Variants in ENOX1 observed in about 807,000 individuals in gnomAD.
ENOX1 encodes candidate growth-related and time keeping constitutive hydroquinone (NADH) oxidase.
ENOX1 carries 42 observed loss-of-function variants against 82.5 expected under a neutral mutation model. The observed-to-expected ratio is 0.51, with a 90% CI of 0.40 to 0.66. The LOEUF is 0.66. Ranked by LOEUF, ENOX1 falls within the 30% of genes least tolerant of loss-of-function variation. ENOX1 has a pLI of 0.00. For missense variants in ENOX1, 608 were observed against 811.6 expected (o/e 0.75, Z 3.05); for synonymous variants, 271 against 282.2 (o/e 0.96, Z 0.40).
chr13:43,478,323 A>AT (rs2058374542), intron 3 of ENOX1, among the ~76,000 whole-genome samples: 1 of 151,980 alleles, frequency 6.6e-6, no homozygotes, highest in South Asian at 2.1e-4. Context: ...ATTATATGCT[A>AT]TTTTTCAACT....
intron 5 of ENOX1, among the ~76,000 whole-genome samples, chr13:43,369,806 A>T (rs2051100183): frequency 6.6e-6 from 1 of 151,890 alleles, no homozygotes; most frequent in Non-Finnish European, 1.5e-5. Flanking sequence ...GGACAGATTC[A>T]GCCACAGAGG....
At chr13:43,453,866 T>G (rs916228814) in intron 3 of ENOX1, among the ~76,000 whole-genome samples, 1 of 152,164 alleles carries the variant, frequency 6.6e-6, no homozygotes, top group African/African-American at 2.4e-5. Context: ...ACAGGAAACA[T>G]GAAGTAGCTC....
At chr13:43,476,239 C>A (rs944669147) in intron 3 of ENOX1, among the ~76,000 whole-genome samples, 1 of 152,032 alleles carries the variant, frequency 6.6e-6, no homozygotes, top group Non-Finnish European at 1.5e-5. Context: ...CTCCATAAAA[C>A]AAGCCTAAAA....
intron 14 of ENOX1, among the ~76,000 whole-genome samples, chr13:43,262,397 G>A (rs1458940819): frequency 1.3e-5 from 2 of 152,106 alleles, no homozygotes; most frequent in Admixed American, 6.6e-5. Context: ...TGAAATTCCT[G>A]CCCCCAGATA....
intron 2 of ENOX1, among the ~76,000 whole-genome samples, chr13:43,581,099 C>CTAAG: frequency 7.0e-6 from 1 of 143,808 alleles, no homozygotes. Flanking sequence ...GGTATCTGAC[C>CTAAG]TAAGTTATTT....
intron 5 of ENOX1, among the ~76,000 whole-genome samples, chr13:43,398,069 T>C (rs75701449): frequency 0.037 from 5,682 of 152,286 alleles, 147 homozygotes; most frequent in South Asian, 0.091. Context: ...GCTCTGCCTT[T>C]ATGACTTAAT....
At chr13:43,614,052 C>A (rs147235571) in intron 2 of ENOX1, among the ~76,000 whole-genome samples, 1 of 152,258 alleles carries the variant, frequency 6.6e-6, no homozygotes, top group East Asian at 1.9e-4. Context: ...GGTGGGGCAA[C>A]AGGGCATGTG....
At chr13:43,703,406 C>T (rs1055448122) in intron 1 of ENOX1, among the ~76,000 whole-genome samples, 1 of 152,116 alleles carries the variant, frequency 6.6e-6, no homozygotes, top group African/African-American at 2.4e-5. Context: ...TATGGGCAAC[C>T]AGAAATGTTG....
At chr13:43,754,780 G>A (rs9562509) in intron 1 of ENOX1, among the ~76,000 whole-genome samples, 121,140 of 151,942 alleles carry the variant, frequency 0.8, 50,239 homozygotes, top group South Asian at 0.92. Flanking sequence ...CTATGTTGCC[G>A]AGTCTAGTTT....
intron 2 of ENOX1, among the ~76,000 whole-genome samples, chr13:43,494,819 A>G (rs1228570319): frequency 6.6e-6 from 1 of 152,216 alleles, no homozygotes; most frequent in Non-Finnish European, 1.5e-5. Context: ...CTATTTGAAT[A>G]GGTCAGTTAG....
intron 1 of ENOX1, among the ~76,000 whole-genome samples, chr13:43,727,062 G>T: frequency 6.6e-6 from 1 of 152,064 alleles, no homozygotes; most frequent in East Asian, 1.9e-4. Context: ...GTGATGCACC[G>T]AAGAACACCC....
At chr13:43,323,196 G>A (rs56265406) in intron 10 of ENOX1, among the ~76,000 whole-genome samples, 1 of 152,196 alleles carries the variant, frequency 6.6e-6, no homozygotes, top group African/African-American at 2.4e-5. Flanking sequence ...TTCAAAATTA[G>A]TAAGATGTTA....
At chr13:43,760,440 T>G (rs746589881) in intron 1 of ENOX1, among the ~76,000 whole-genome samples, 1 of 152,094 alleles carries the variant, frequency 6.6e-6, no homozygotes, top group Non-Finnish European at 1.5e-5. Flanking sequence ...GGAACAGAAC[T>G]CCCACTGCAT....
chr13:43,494,935 T>C (rs570990437), intron 2 of ENOX1, among the ~76,000 whole-genome samples: 1 of 152,180 alleles, frequency 6.6e-6, no homozygotes, highest in East Asian at 1.9e-4. Flanking sequence ...CAGTCAACAA[T>C]TATAGGAATA....
At chr13:43,501,109 T>C (rs1012090086) in intron 2 of ENOX1, among the ~76,000 whole-genome samples, 2 of 151,756 alleles carry the variant, frequency 1.3e-5, no homozygotes, top group African/African-American at 4.8e-5. Context: ...CAACTATGTG[T>C]TGTCTACAAG....
At chr13:43,742,886 A>G in intron 1 of ENOX1, among the ~76,000 whole-genome samples, 1 of 113,306 alleles carries the variant, frequency 8.8e-6, no homozygotes, top group South Asian at 4.0e-4. Context: ...GAATAGGGAC[A>G]TGATCGCTCA....
At chr13:43,417,242 C>CAGGAGAGGGAGAGGGAGAGGGAGG (rs1555267014) in intron 3 of ENOX1, among the ~76,000 whole-genome samples, 1 of 82,772 alleles carries the variant, frequency 1.2e-5, no homozygotes, top group Admixed American at 1.3e-4. Context: ...AGACGGGAGA[C>CAGGAGAGGGAGAGGGAGAGGGAGG]GGGAGAGGGA....
chr13:43,348,812 A>T (rs532880690), intron 8 of ENOX1, among the ~76,000 whole-genome samples: 2 of 152,382 alleles, frequency 1.3e-5, no homozygotes, highest in South Asian at 4.1e-4. Context: ...TGGAAATGCC[A>T]AAGAAAAGCC....
chr13:43,426,508 A>T (rs1457951206), intron 3 of ENOX1, among the ~76,000 whole-genome samples: 2 of 152,182 alleles, frequency 1.3e-5, no homozygotes, highest in African/African-American at 4.8e-5. Context: ...TCTAGTGTTA[A>T]TGAAAAAGAT....
Sources: allele counts gnomAD v4.1 joint callset (sites outside exome capture counted in the v4.1 genomes callset), GRCh38; gene constraint gnomAD v4.1.1; transcripts MANE v1.5; gene names NCBI Gene and HGNC (gene_info 2026-07-23, HGNC 2026-07-21).